The following MTHFD2 variants were observed in gnomAD, a reference collection of about 807,000 sequenced individuals.
MTHFD2 encodes the protein bifunctional methylenetetrahydrofolate dehydrogenase/cyclohydrolase, mitochondrial.
Under a neutral mutation model 36.8 loss-of-function variants are expected in MTHFD2, and 26 were observed. That is an observed-to-expected ratio of 0.71 (90% confidence interval 0.52 to 0.98). MTHFD2 has a LOEUF of 0.98. Ranked by LOEUF, MTHFD2 falls within the 50% of genes least tolerant of loss-of-function variation. The pLI is 0.00. For missense variants in MTHFD2, 373 were observed against 434.0 expected (o/e 0.86, Z 1.25); for synonymous variants, 164 against 155.2 (o/e 1.06, Z -0.42).
At chr2:74,207,363 C>T (rs952133884) in intron 2 of MTHFD2, among the ~76,000 whole-genome samples, 1 of 149,080 alleles carries the variant, frequency 6.7e-6, no homozygotes, top group Non-Finnish European at 1.5e-5. Flanking sequence ...CTCCTGACCT[C>T]GTGATCCGCT....
At position 74,207,826 on chromosome 2, in the gene MTHFD2, G is replaced by A. The variant is rs763944779; in HGVS notation, c.409G>A (p.Glu137Lys). 15 of 1,580,614 alleles carry A rather than the reference G, an allele frequency of 9.5e-6. No individual in the cohort carries two copies. The highest frequency in any genetic ancestry group is 1.2e-5 in the Non-Finnish European group (14 of 1,154,344). ...CCTCCTTGTTCAGTTGCCTCTTCCA[G>A]GTGAGTTTTGGACTCCATTTAACAT... Reference protein sequence around the residue: ...DGLLVQLPLPEHIDERRICNA... With the variant: ...DGLLVQLPLPKHIDERRICNA... Residue 137 changes from glutamate to lysine, a missense_variant and splice_region_variant, in exon 3 of 8, where the codon GAG becomes AAG. Physicochemically the swap from Glu to Lys is moderately conservative, Grantham distance 56 (BLOSUM62 1). Around this residue, in one of 2 missense-constraint regions of MTHFD2, gnomAD observed 308 missense variants for 397.8 expected, o/e 0.77. Transcript: ENST00000394053.
intron 1 of MTHFD2, 55 bp downstream of exon 1, chr2:74,198,797 A>T: frequency 6.8e-7 from 1 of 1,472,048 alleles, no homozygotes. Flanking sequence ...ACGGAGGGCG[A>T]GGGGCACGCC....
Position 74,210,785 on chromosome 2 carries a change from G to GTTTTTTTGTTTTT in MTHFD2, c.671-407_671-406insGTTTTTTTTTTTT, listed in dbSNP as rs1553449044. Among the ~76,000 whole-genome samples the GTTTTTTTGTTTTT allele has an allele frequency of 7.1e-4, 94 of 132,044 alleles. 1 individual carries two copies. In the South Asian group the frequency reaches 0.021, roughly 30 times the overall value. 86.6% of individuals were successfully genotyped at this position (132,044 alleles called of 152,430 possible). A position where few individuals can be genotyped will look rare whatever the true frequency, so the allele number is the denominator to read the frequency against. On this transcript the variant is annotated intron_variant, in intron 5 of 7. Transcript: ENST00000394053. ...AAACATGGCACAAGCCATTAAGTCA[G>GTTTTTTTGTTTTT]TTTTTTTTTTTTTTTTTCCTGGAGA...
rs6758506 is a variant in MTHFD2, at chr2:74,205,825, G to A, written c.222G>A (p.Leu74=). ...AACGGCCACACCTGAGTGTGATCCTGGTTGGCGAGAATCCTGCAAGTCACT... is the reference window on the plus strand; with the variant it reads ...AACGGCCACACCTGAGTGTGATCCTAGTTGGCGAGAATCCTGCAAGTCACT... The part of the protein sequence containing the change: ...GNKRPHLSVI[L]VGENPASHSY... Residue 74 remains leucine, a synonymous_variant, in exon 2 of 8, where the codon CTG becomes CTA. Transcript: ENST00000394053. 1.2e-6 allele frequency: 2 copies of A among 1,613,746 alleles called. No individual in the cohort carries two copies. The highest frequency in any genetic ancestry group is 2.7e-5 in the African/African-American group (2 of 74,864).
intron 1 of MTHFD2, 102 bp from the exon 2 acceptor site, chr2:74,205,603 C>T (rs1694157208): frequency 3.0e-6 from 4 of 1,354,764 alleles, no homozygotes; most frequent in East Asian, 2.5e-5. Flanking sequence ...CCCGGCCTCC[C>T]GAAGTGCTGG....
chr2:74,210,666 A>G (rs1694281903), intron 5 of MTHFD2, among the ~76,000 whole-genome samples: 2 of 152,224 alleles, frequency 1.3e-5, no homozygotes, highest in African/African-American at 2.4e-5. Context: ...ATTTAATTAT[A>G]TGACTCAAAA....
Position 74,216,979 on chromosome 2 carries a change from G to A in MTHFD2, c.*2737G>A, listed in dbSNP as rs956296898. On this transcript the variant is annotated 3_prime_UTR_variant, in exon 8 of 8. Transcript: ENST00000394053. ...AATTCTGCTCTCAGTAAGAGTAGAG[G>A]TTTGGAGCTTTACCTCTTGGCAGTA... 6.6e-6 allele frequency: 1 copy of A among 152,210 alleles called. No homozygotes were observed. The highest frequency in any genetic ancestry group is 2.4e-5 in the African/African-American group (1 of 41,452). The allele number at this position is 152,210 out of a possible 1,614,324, so 9.4% of individuals were successfully genotyped here. A position where few individuals can be genotyped will look rare whatever the true frequency, so the allele number is the denominator to read the frequency against.
chr2:74,210,872 C>T (rs942436432), intron 5 of MTHFD2, among the ~76,000 whole-genome samples: 12 of 149,702 alleles, frequency 8.0e-5, no homozygotes, highest in African/African-American at 3.0e-4. Context: ...CTGCAACCTC[C>T]ACCTTCCAGG....
At position 74,214,215 on chromosome 2, in the gene MTHFD2, TAA is replaced by T. The variant is rs760932575; in HGVS notation, c.1028_1029del (p.Lys343ArgfsTer7). ...TTGAAGAGCGAGAAGTGCTGAAGTC[TAA>T]AGAGCTTGGGGTAGCCACTAATTAA... Reference protein sequence around the residue: ...RLEEREVLKSKELGVATN With the variant: ...RLEEREVLKSXELGVATN On this transcript the variant is annotated frameshift_variant, in exon 8 of 8. Coordinates refer to ENST00000394053, the MANE Select transcript of MTHFD2 (RefSeq NM_006636.4). LOFTEE classifies it high-confidence loss of function. 3.7e-6 allele frequency: 6 copies of T among 1,613,922 alleles called. No homozygotes were observed. In the African/African-American group the frequency reaches 6.7e-5, roughly 18 times the overall value.
Position 74,214,232 on chromosome 2 carries a change from C to G in MTHFD2, c.1043C>G (p.Ala348Gly), listed in dbSNP as rs1199763443. The G allele has an allele frequency of 6.2e-7, 1 of 1,613,634 alleles. No homozygotes were observed. Among genetic ancestry groups the G allele is most frequent in the African/African-American group, 1.3e-5 (1 of 74,910 alleles). ...CTGAAGTCTAAAGAGCTTGGGGTAG[C>G]CACTAATTAACTACTGTGTCTTCTG... ...EVLKSKELGV[A>G]TN is the part of the protein sequence containing the mutation. The change falls in exon 8 of 8, where the codon GCC becomes GGC. Residue 348 changes from alanine (A) to glycine (G), a missense_variant. This residue lies in a region of MTHFD2 where 308 missense variants were observed against 397.8 expected (regional missense o/e 0.77). Transcript: ENST00000394053.
chr2:74,209,958 G>A lies in MTHFD2; in HGVS notation c.579G>A (p.Gly193=), dbSNP rs781351474. ...IIKRTGIPTL[G]KNVVVAGRSK... ...TTTTTATAGGCATTCCAACCCTAGG[G>A]AAGAATGTGGTTGTGGCTGGAAGGT... is the stretch of plus-strand genomic sequence containing the variant. Residue 193 remains glycine, a synonymous_variant, in exon 5 of 8, where the codon GGG becomes GGA. Transcript: ENST00000394053. 12 of 1,612,958 alleles carry A rather than the reference G, an allele frequency of 7.4e-6. No homozygotes were observed. In the Admixed American group the frequency reaches 1.8e-4, roughly 25 times the overall value.
intron 7 of MTHFD2, among the ~76,000 whole-genome samples, chr2:74,213,745 A>T (rs560238060): frequency 1.3e-5 from 2 of 152,276 alleles, no homozygotes; most frequent in South Asian, 4.1e-4. Context: ...GACAAATTAT[A>T]CTTAAAATTA....
At chr2:74,204,517 T>G (rs1457185475) in intron 1 of MTHFD2, among the ~76,000 whole-genome samples, 2 of 152,362 alleles carry the variant, frequency 1.3e-5, no homozygotes, top group East Asian at 3.9e-4. Context: ...GTGGTTCTAG[T>G]TTGAACTGCC....
At chr2:74,206,036 T>C (rs1008751128) in intron 2 of MTHFD2, 147 bp downstream of exon 2, 12 of 769,960 alleles carry the variant, frequency 1.6e-5, no homozygotes, top group Non-Finnish European at 2.3e-5. Flanking sequence ...AACTTTGTCA[T>C]AGGAAATCAG....
intron 1 of MTHFD2, among the ~76,000 whole-genome samples, chr2:74,203,593 G>A (rs1354037087): frequency 6.6e-6 from 1 of 152,106 alleles, no homozygotes; most frequent in Non-Finnish European, 1.5e-5. Flanking sequence ...AGCTGAGATT[G>A]CTCCAGCCTG....
intron 1 of MTHFD2, among the ~76,000 whole-genome samples, chr2:74,203,881 GT>G (rs759746371): frequency 2.0e-5 from 1 of 50,974 alleles, no homozygotes; most frequent in African/African-American, 1.9e-4. Flanking sequence ...GTTTAGTTTA[GT>G]TTAGTTTAGT....
In MTHFD2 at chr2:74,198,685, T is replaced by G. The variant is rs756121443; in HGVS notation, c.44T>G (p.Leu15Arg). The G allele has an allele frequency of 6.2e-7, 1 of 1,611,418 alleles. No individual in the cohort carries two copies. Among genetic ancestry groups the G allele is most frequent in the South Asian group, 1.1e-5 (1 of 90,842 alleles). Reference protein sequence around the residue: ...SLMSALAARLLQPAHSCSLRL... With the variant: ...SLMSALAARLRQPAHSCSLRL... ...ATGTCTGCTTTGGCTGCCCGGCTGC[T>G]GCAGCCCGCGCACAGCTGCTCCCTT... Residue 15 changes from leucine to arginine, a missense_variant, in exon 1 of 8, where the codon CTG (leucine) becomes CGG (arginine). Physicochemically the swap from Leu to Arg is moderately radical, Grantham distance 102. Coordinates refer to ENST00000394053, the MANE Select transcript of MTHFD2 (RefSeq NM_006636.4).
rs1694482234 is a variant in MTHFD2, at chr2:74,217,475, A to C, written c.*3233A>C. 1 of 152,234 alleles carries C rather than the reference A, an allele frequency of 6.6e-6. No homozygotes were observed. The highest frequency in any genetic ancestry group is 2.4e-5 in the African/African-American group (1 of 41,470). The allele number at this position is 152,234 out of a possible 1,614,324, so 9.4% of individuals were successfully genotyped here. On this transcript the variant is annotated 3_prime_UTR_variant, in exon 8 of 8. Transcript: ENST00000394053. ...TAATATTGCAAAGTTGTAATGTAAA[A>C]TGTGACCTTACCTCTGTCTAACCTG...
At chr2:74,213,548 C>A (rs550448998) in intron 7 of MTHFD2, among the ~76,000 whole-genome samples, 2 of 152,100 alleles carry the variant, frequency 1.3e-5, no homozygotes, top group Admixed American at 6.6e-5. Context: ...CCTCAGCCCC[C>A]CAGAGTGCTG....
Sources: gnomAD v4.1 joint callset for allele counts (sites outside exome capture counted in the v4.1 genomes callset) on GRCh38, gnomAD v4.1.1 for gene constraint, gnomAD v4.1.1 regional missense constraint, MANE v1.5 for transcripts, NCBI Gene and HGNC (gene_info 2026-07-23, HGNC 2026-07-21) for gene names.